Variants in NSD2 observed in about 807,000 individuals in gnomAD.
The protein encoded by NSD2 is nuclear receptor binding SET domain protein 2.
A neutral mutation model predicts 139.0 loss-of-function variants in NSD2; 12 were observed. The ratio of observed to expected loss-of-function variants is 0.09; its 90% CI spans 0.06 to 0.14. NSD2 has a LOEUF of 0.14. Ranked by LOEUF, NSD2 falls within the 10% of genes least tolerant of loss-of-function variation. The pLI, the probability that NSD2 is intolerant of heterozygous loss-of-function variation, is 1.00. For missense variants in NSD2, 1,155 were observed against 1,745.0 expected (o/e 0.66, Z 6.02); for synonymous variants, 669 against 648.7 (o/e 1.03, Z -0.48).
At chr4:1,878,793 G>A (rs1714491366) in intron 1 of NSD2, among the ~76,000 whole-genome samples, 1 of 152,188 alleles carries the variant, frequency 6.6e-6, no homozygotes, top group Non-Finnish European at 1.5e-5. Context: ...TGCACCATTA[G>A]CAGGGCTGGA....
chr4:1,879,106 A>G (rs1714513376), intron 1 of NSD2, among the ~76,000 whole-genome samples: 1 of 152,170 alleles, frequency 6.6e-6, no homozygotes, highest in African/African-American at 2.4e-5. Context: ...GTTTGCTTAG[A>G]AGAGAAAGCC....
chr4:1,946,460 A>G, intron 9 of NSD2: 1 of 594,516 alleles, frequency 1.7e-6, no homozygotes, highest in Non-Finnish European at 2.1e-6. Flanking sequence ...TAGTAGAGAC[A>G]GGGTTTCGCC....
Position 1,943,244 on chromosome 4 carries a change from C to T in NSD2, c.1881+3466C>T, listed in dbSNP as rs191347035. 7.9e-5 allele frequency: 82 copies of T among 1,041,184 alleles called. No homozygotes were observed. The East Asian group carries it at 2.5e-3, about 32-fold the overall frequency. 64.5% of individuals were successfully genotyped at this position (1,041,184 alleles called of 1,614,324 possible). Reference sequence around the variant, plus strand: ...AAGGTGTGCTATTCACAGTACCATGCGAGTAGCCCACAGTTAATTCCCGGC... The same window carrying T: ...AAGGTGTGCTATTCACAGTACCATGTGAGTAGCCCACAGTTAATTCCCGGC... On this transcript the variant is annotated intron_variant, in intron 9 of 21. Transcript: ENST00000508803.
At chr4:1,952,972 C>G (rs1323536410) in intron 11 of NSD2, 2 of 1,433,282 alleles carry the variant, frequency 1.4e-6, no homozygotes, top group East Asian at 2.5e-5. Context: ...TGATAAGTGA[C>G]TGCTCCACCA....
Position 1,956,346 on chromosome 4 carries a change from T to C in NSD2, c.2881+158T>C, listed in dbSNP as rs1244338651. 6.6e-6 allele frequency among the ~76,000 whole-genome samples: 1 copy of C among 152,238 alleles called. No homozygotes were observed. The highest frequency in any genetic ancestry group is 6.5e-5 in the Admixed American group (1 of 15,284). On this transcript the variant is annotated intron_variant, in intron 15 of 21. Coordinates refer to ENST00000508803, the MANE Select transcript of NSD2 (RefSeq NM_001042424.3). The surrounding 1 kb of genome is among the most constrained non-coding windows in gnomAD (Gnocchi z 5.3). ...AAATGTTTGCAGTCTGGTTTATTTG[T>C]TGAGCATAGAATAAGATACACTGAT... is the stretch of plus-strand genomic sequence containing the variant.
chr4:1,944,661 C>T lies in NSD2; in HGVS notation c.1881+4883C>T, dbSNP rs1723435366. ...CTCCATTGTAATAGGGTGGCATCTT[C>T]AGGTAGTGCACATATTGGCAATAGA... On this transcript the variant is annotated intron_variant, in intron 9 of 21. Transcript: ENST00000508803. The T allele has an allele frequency of 2.8e-6, 3 of 1,063,700 alleles. No homozygotes were observed. In the East Asian group the frequency reaches 1.5e-4, roughly 54 times the overall value. The allele number at this position is 1,063,700 out of a possible 1,614,324, so 65.9% of individuals were successfully genotyped here.
rs531130912 is a variant in NSD2 at position 1,958,331 on chromosome 4, C to A, written c.2985+295C>A. On this transcript the variant is annotated intron_variant, in intron 16 of 21. Transcript: ENST00000508803. The surrounding 1 kb of genome is among the most constrained non-coding windows in gnomAD (Gnocchi z 4.6). ...CAGGAGGAGCTGAGGGATGAGCCTC[C>A]CACCTGCACCAGGCTGTTGCCAAGT... Among the ~76,000 whole-genome samples, 11 of 152,336 alleles carry A rather than the reference C, an allele frequency of 7.2e-5. No individual in the cohort carries two copies. The South Asian group carries it at 2.1e-3, about 29-fold the overall frequency.
chr4:1,948,071 A>G lies in NSD2; in HGVS notation c.1882-3001A>G. The G allele has an allele frequency of 9.5e-7, 1 of 1,058,008 alleles. No homozygotes were observed. Among genetic ancestry groups the G allele is most frequent in the Middle Eastern group, 4.2e-4 (1 of 2,358 alleles). 65.5% of individuals were successfully genotyped at this position (1,058,008 alleles called of 1,614,324 possible). On this transcript the variant is annotated intron_variant, in intron 9 of 21. Coordinates refer to ENST00000508803, the MANE Select transcript of NSD2 (RefSeq NM_001042424.3). The surrounding 1 kb of genome is among the most constrained non-coding windows in gnomAD (Gnocchi z 4.5). Reference sequence around the variant, plus strand: ...AAGGAGACTGCATTCCCTGCCCTGAAGGAATGTATTTCTAAGGCAAATAGG... The same window carrying G: ...AAGGAGACTGCATTCCCTGCCCTGAGGGAATGTATTTCTAAGGCAAATAGG...
chr4:1,922,858 G>A (rs913649201), intron 5 of NSD2, among the ~76,000 whole-genome samples: 2 of 152,152 alleles, frequency 1.3e-5, no homozygotes, highest in Admixed American at 6.5e-5. Flanking sequence ...CCTGATAGGC[G>A]GAGGTTGCAG....
intron 1 of NSD2, among the ~76,000 whole-genome samples, chr4:1,872,445 T>C (rs1457114934): frequency 6.6e-6 from 1 of 152,178 alleles, no homozygotes; most frequent in Non-Finnish European, 1.5e-5. Context: ...GGGTATTGTA[T>C]AGGACCCATT....
chr4:1,874,764 T>TA (rs938266371), intron 1 of NSD2, among the ~76,000 whole-genome samples: 7 of 152,098 alleles, frequency 4.6e-5, no homozygotes, highest in African/African-American at 1.2e-4. Flanking sequence ...TTGGTGAAGA[T>TA]AAAAAAATAT....
At chr4:1,946,067 G>C in intron 9 of NSD2, 2 of 1,031,588 alleles carry the variant, frequency 1.9e-6, no homozygotes, top group Non-Finnish European at 2.3e-6. Context: ...CATCACCTTA[G>C]TTTTTTAAAA....
intron 1 of NSD2, among the ~76,000 whole-genome samples, chr4:1,878,251 ATTTTTTTTTTTT>A (rs71589624): frequency 6.4e-3 from 188 of 29,178 alleles, no homozygotes; most frequent in Admixed American, 7.9e-3. Flanking sequence ...ATATATATAT[ATTTTTTTTTTTT>A]TTTTTTTTTT....
chr4:1,901,970 G>A (rs1427099698), intron 2 of NSD2, among the ~76,000 whole-genome samples: 2 of 152,142 alleles, frequency 1.3e-5, no homozygotes, highest in Non-Finnish European at 2.9e-5. Flanking sequence ...CGTGGCACTC[G>A]GGATGGCCCT....
chr4:1,910,806 C>G (rs557426522), intron 3 of NSD2, among the ~76,000 whole-genome samples: 56 of 152,086 alleles, frequency 3.7e-4, no homozygotes, highest in Non-Finnish European at 6.9e-4. Context: ...ACTTGTAGTT[C>G]TGGCAGTTTC....
chr4:1,905,203 T>C (rs1338918734), intron 3 of NSD2, among the ~76,000 whole-genome samples: 2 of 152,224 alleles, frequency 1.3e-5, no homozygotes, highest in African/African-American at 4.8e-5. Flanking sequence ...AAATGTGTTT[T>C]TAGAGGAATA....
chr4:1,956,149 T>C lies in NSD2; in HGVS notation c.2842T>C (p.Tyr948His). 6.2e-7 allele frequency: 1 copy of C among 1,613,868 alleles called. No individual in the cohort carries two copies. The highest frequency in any genetic ancestry group is 8.5e-7 in the Non-Finnish European group (1 of 1,179,950). Residue 948 changes from tyrosine (Y) to histidine (H), a missense_variant, in exon 15 of 22, where the codon TAC becomes CAC. By Grantham distance (83) the Tyr-to-His change is moderately conservative (BLOSUM62 2). Transcript: ENST00000508803. The surrounding 1 kb of genome is among the most constrained non-coding windows in gnomAD (Gnocchi z 5.3). The part of the protein sequence containing the change: ...PYMEGDRGSR[Y>H]QGVRGIGRVF... ...CATGGAGGGGGACCGGGGCAGCCGC[T>C]ACCAGGGGGTCAGAGGGATCGGAAG...
intron 1 of NSD2, among the ~76,000 whole-genome samples, chr4:1,894,249 G>A (rs892700903): frequency 4.6e-5 from 7 of 151,828 alleles, no homozygotes; most frequent in Admixed American, 2.6e-4. Context: ...GAGCCACCAC[G>A]CCTGGTGAAG....
intron 9 of NSD2, chr4:1,945,164 G>A (rs1478412165): frequency 2.8e-6 from 3 of 1,064,684 alleles, no homozygotes; most frequent in Non-Finnish European, 3.4e-6. Context: ...TTTTGTTTAA[G>A]TACTTCACAC....
Sources: gnomAD v4.1 joint callset for allele counts (sites outside exome capture counted in the v4.1 genomes callset) on GRCh38, gnomAD v4.1.1 for gene constraint, Gnocchi (gnomAD v3.1) non-coding constraint, MANE v1.5 for transcripts, NCBI Gene and HGNC (gene_info 2026-07-23, HGNC 2026-07-21) for gene names.